PLCB4: variants seen among roughly 807,000 people sequenced by gnomAD.
PLCB4 encodes the protein phospholipase C beta 4, also known as 1-phosphatidylinositol 4,5-bisphosphate phosphodiesterase beta-4.
In PLCB4, 77 loss-of-function variants were observed where a neutral mutation model predicts 178.8. The ratio of observed to expected loss-of-function variants is 0.43; its 90% confidence interval spans 0.36 to 0.52. The LOEUF (loss-of-function observed/expected upper bound fraction) is 0.52, where lower values mean the gene tolerates loss of function less well. Among genes scored for constraint, PLCB4 ranks in the 20% least tolerant of loss-of-function variants. The pLI is 0.00. For missense variants in PLCB4, 1,024 were observed against 1,453.4 expected (o/e 0.70, Z 4.80); for synonymous variants, 496 against 490.8 (o/e 1.01, Z -0.14).
At chr20:9,329,683 G>A (rs1028009478) in intron 4 of PLCB4, among the ~76,000 whole-genome samples, 1 of 152,190 alleles carries the variant, frequency 6.6e-6, no homozygotes, top group African/African-American at 2.4e-5. Context: ...AGCTACACAT[G>A]CTGTTATTTT....
Position 9,380,130 on chromosome 20 carries a change from T to C in PLCB4, c.821T>C (p.Met274Thr), listed in dbSNP as rs2037017369. 1 of 1,564,046 alleles carries C rather than the reference T, an allele frequency of 6.4e-7. No individual in the cohort carries two copies. ...AAAAGGGCAATGCAGATCATTGAGA[T>C]GTATGAACCTGATGAAGATTTGAAG... ...DAKRAMQIIEMYEPDEDLKKK... is the reference protein window; with the variant it reads ...DAKRAMQIIETYEPDEDLKKK... The change falls in exon 13 of 40, where the codon ATG becomes ACG. Residue 274 changes from methionine to threonine, a missense_variant. Met to Thr is a moderately conservative substitution (Grantham distance 81, BLOSUM62 -1). This residue lies in a region of PLCB4 where 37 missense variants were observed against 28.6 expected (regional missense o/e 1.30). Coordinates refer to ENST00000378473, the MANE Select transcript of PLCB4 (RefSeq NM_001377142.1).
chr20:9,462,042 T>C (rs554197513), intron 35 of PLCB4, among the ~76,000 whole-genome samples: 1 of 152,092 alleles, frequency 6.6e-6, no homozygotes, highest in Non-Finnish European at 1.5e-5. Context: ...GGTGCCCCTC[T>C]GGGACAAAGC....
At chr20:9,297,337 G>A (rs1276315210) in intron 3 of PLCB4, among the ~76,000 whole-genome samples, 1 of 152,006 alleles carries the variant, frequency 6.6e-6, no homozygotes, top group African/African-American at 2.4e-5. Context: ...AAAGGGATAG[G>A]AATAATATGG....
At chr20:9,203,908 C>T (rs1367391228) in intron 2 of PLCB4, among the ~76,000 whole-genome samples, 1 of 149,688 alleles carries the variant, frequency 6.7e-6, no homozygotes, top group East Asian at 2.0e-4. Flanking sequence ...ATGTCTGTTC[C>T]CTGTTTTACT....
chr20:9,447,432 G>A (rs1230199740), intron 32 of PLCB4, among the ~76,000 whole-genome samples: 1 of 152,136 alleles, frequency 6.6e-6, no homozygotes, highest in East Asian at 1.9e-4. Flanking sequence ...TCTTCCAGCA[G>A]GCTAGTCCAG....
intron 2 of PLCB4, among the ~76,000 whole-genome samples, chr20:9,110,289 T>G (rs1317064168): frequency 6.6e-6 from 1 of 152,152 alleles, no homozygotes; most frequent in Non-Finnish European, 1.5e-5. Flanking sequence ...TTACACTGAT[T>G]AGCATTTATT....
rs369503219 is a variant in PLCB4, at chr20:9,204,250, CT to C, written c.-78-13130del. ...TTATTTCTTAAAAGATACTAAAAGT[CT>C]TTTTTTTTTCATAGAGATTACTTTT... On this transcript the variant is annotated intron_variant, in intron 2 of 39. Transcript: ENST00000378473. 4.5e-3 allele frequency among the ~76,000 whole-genome samples: 669 copies of C among 148,914 alleles called. 6 individuals carry two copies. Among genetic ancestry groups the C allele is most frequent in the African/African-American group, 0.015 (608 of 40,678 alleles).
intron 7 of PLCB4, among the ~76,000 whole-genome samples, chr20:9,351,772 T>A (rs1420252606): frequency 6.6e-6 from 1 of 152,232 alleles, no homozygotes; most frequent in Non-Finnish European, 1.5e-5. Context: ...GACAAAGGCT[T>A]CTTGATTGAT....
chr20:9,209,173 G>T (rs2093645964), intron 2 of PLCB4, among the ~76,000 whole-genome samples: 1 of 152,140 alleles, frequency 6.6e-6, no homozygotes, highest in Admixed American at 6.5e-5. Flanking sequence ...TTAGAACTTG[G>T]TAGAGTACAG....
intron 3 of PLCB4, among the ~76,000 whole-genome samples, chr20:9,227,754 T>C (rs531869810): frequency 1.3e-5 from 2 of 152,136 alleles, no homozygotes; most frequent in Admixed American, 6.5e-5. Context: ...ATTCAGGAAA[T>C]GTGAGTCCTC....
intron 2 of PLCB4, among the ~76,000 whole-genome samples, chr20:9,216,837 T>G (rs973388145): frequency 2.0e-5 from 3 of 152,128 alleles, no homozygotes; most frequent in South Asian, 2.1e-4. Context: ...ACCTGGAACT[T>G]TTCCTCCCAC....
intron 2 of PLCB4, among the ~76,000 whole-genome samples, chr20:9,101,505 G>C (rs1017084594): frequency 3.9e-5 from 6 of 152,082 alleles, no homozygotes; most frequent in Non-Finnish European, 8.8e-5. Flanking sequence ...TAAATTATGC[G>C]AGCAAGAAAG....
chr20:9,191,345 A>ATTT lies in PLCB4; in HGVS notation c.-78-26019_-78-26017dup, dbSNP rs71184136. On this transcript the variant is annotated intron_variant, in intron 2 of 39. Coordinates refer to ENST00000378473, the MANE Select transcript of PLCB4 (RefSeq NM_001377142.1). ...AAGGGCTGGAGGGAACTAGATAGGCATTTTTTTTTTTTTTTTTTTTTTTTT... is the reference window on the plus strand; with the variant it reads ...AAGGGCTGGAGGGAACTAGATAGGCATTTTTTTTTTTTTTTTTTTTTTTTTTTT... Among the ~76,000 whole-genome samples, 96 of 58,848 alleles carry ATTT rather than the reference A, an allele frequency of 1.6e-3. 2 individuals carry two copies. Among genetic ancestry groups the ATTT allele is most frequent in the African/African-American group, 6.4e-3 (87 of 13,544 alleles). 38.6% of individuals were successfully genotyped at this position (58,848 alleles called of 152,430 possible). A position where few individuals can be genotyped will look rare whatever the true frequency, so the allele number is the denominator to read the frequency against.
At chr20:9,084,507 AT>A (rs35866315) in intron 1 of PLCB4, among the ~76,000 whole-genome samples, 26,744 of 110,602 alleles carry the variant, frequency 0.24, 2,591 homozygotes, top group Middle Eastern at 0.34. Flanking sequence ...TCTCTTTGTA[AT>A]TTTTTTTTTT....
At chr20:9,304,659 G>A (rs568752129) in intron 3 of PLCB4, among the ~76,000 whole-genome samples, 6 of 152,010 alleles carry the variant, frequency 3.9e-5, no homozygotes, top group African/African-American at 1.2e-4. Flanking sequence ...TAATTTCTCC[G>A]TGTACTTTGT....
At chr20:9,356,353 G>A (rs1399800822) in intron 7 of PLCB4, among the ~76,000 whole-genome samples, 1 of 152,190 alleles carries the variant, frequency 6.6e-6, no homozygotes, top group African/African-American at 2.4e-5. Context: ...GAGGAAACAT[G>A]TTGGTGGTGA....
intron 9 of PLCB4, among the ~76,000 whole-genome samples, chr20:9,367,527 A>G (rs1399786252): frequency 6.6e-6 from 1 of 152,254 alleles, no homozygotes; most frequent in Non-Finnish European, 1.5e-5. Context: ...ATTTTAATGT[A>G]TCCCAGTACC....
chr20:9,132,912 T>C (rs2092304463), intron 2 of PLCB4, among the ~76,000 whole-genome samples: 1 of 152,122 alleles, frequency 6.6e-6, no homozygotes, highest in Admixed American at 6.6e-5. Flanking sequence ...AAAATAGAGA[T>C]GCTACTATTT....
intron 2 of PLCB4, among the ~76,000 whole-genome samples, chr20:9,169,845 T>C: frequency 6.6e-6 from 1 of 152,200 alleles, no homozygotes; most frequent in Non-Finnish European, 1.5e-5. Flanking sequence ...GAACACTTTA[T>C]TGCCTTTATT....
Sources: gnomAD v4.1 joint callset for allele counts (sites outside exome capture counted in the v4.1 genomes callset) on GRCh38, gnomAD v4.1.1 for gene constraint, gnomAD v4.1.1 regional missense constraint, MANE v1.5 for transcripts, NCBI Gene and HGNC (gene_info 2026-07-23, HGNC 2026-07-21) for gene names.